Variants in MYO5C observed in about 807,000 individuals in gnomAD.
The protein encoded by MYO5C is unconventional myosin-Vc.
A neutral mutation model predicts 235.7 loss-of-function variants in MYO5C; 194 were observed. That is an observed-to-expected ratio of 0.82 (90% CI 0.73 to 0.93). The LOEUF (loss-of-function observed/expected upper bound fraction) is 0.93, where lower values mean the gene tolerates loss of function less well. Among genes scored for constraint, MYO5C ranks in the 40% least tolerant of loss-of-function variants. MYO5C has a pLI of 0.00. For synonymous variants in MYO5C, 707 were observed against 754.8 expected (o/e 0.94, Z 1.04); for missense variants, 2,038 against 2,127.2 (o/e 0.96, Z 0.82).
At chr15:52,233,723 G>C (rs1038568210) in intron 23 of MYO5C, among the ~76,000 whole-genome samples, 1 of 152,212 alleles carries the variant, frequency 6.6e-6, no homozygotes, top group African/African-American at 2.4e-5. Flanking sequence ...CCATGGCTAT[G>C]ACAACCCCAC....
chr15:52,292,777 C>T (rs2037419355), intron 1 of MYO5C, among the ~76,000 whole-genome samples: 1 of 152,234 alleles, frequency 6.6e-6, no homozygotes, highest in African/African-American at 2.4e-5. Context: ...GCTGCAGAGG[C>T]TTTCTCAGAA....
intron 25 of MYO5C, among the ~76,000 whole-genome samples, chr15:52,228,100 A>G (rs925837238): frequency 1.3e-5 from 2 of 152,222 alleles, no homozygotes; most frequent in South Asian, 4.1e-4. Flanking sequence ...ATTTTATTAA[A>G]TTGCCCAGGA....
chr15:52,200,891 T>C (rs2035172465), intron 38 of MYO5C, among the ~76,000 whole-genome samples: 1 of 151,788 alleles, frequency 6.6e-6, no homozygotes, highest in African/African-American at 2.4e-5. Context: ...AATACAATAA[T>C]AGAAATAAAA....
intron 13 of MYO5C, among the ~76,000 whole-genome samples, chr15:52,250,326 T>G (rs1372696947): frequency 1.4e-5 from 2 of 144,932 alleles, no homozygotes; most frequent in African/African-American, 2.5e-5. Flanking sequence ...CAATGCAACC[T>G]CCGCCTCCCA....
intron 2 of MYO5C, among the ~76,000 whole-genome samples, chr15:52,281,426 T>C (rs2037160078): frequency 6.6e-6 from 1 of 152,256 alleles, no homozygotes; most frequent in African/African-American, 2.4e-5. Flanking sequence ...AAACTGCCAC[T>C]GCAGCTGCTG....
At chr15:52,231,663 C>T (rs2035953605) in intron 24 of MYO5C, among the ~76,000 whole-genome samples, 1 of 152,182 alleles carries the variant, frequency 6.6e-6, no homozygotes, top group African/African-American at 2.4e-5. Flanking sequence ...CGCAGGCTGT[C>T]CTGCTCACTG....
chr15:52,216,158 G>A (rs991077717), intron 32 of MYO5C, among the ~76,000 whole-genome samples: 5 of 152,146 alleles, frequency 3.3e-5, no homozygotes, highest in Non-Finnish European at 7.3e-5. Context: ...GTATGACAGT[G>A]CCCATTTCAA....
Position 52,282,822 on chromosome 15 carries a change from A to G in MYO5C, c.98T>C (p.Val33Ala). 1.9e-6 allele frequency: 3 copies of G among 1,613,866 alleles called. No homozygotes were observed. The highest frequency in any genetic ancestry group is 2.5e-6 in the Non-Finnish European group (3 of 1,179,768). ...KSAEIAKDYR[V>A]GDKVLRLLLE... The stretch of plus-strand genomic sequence containing the variant: ...CAGGAGTCGCAGGACCTTGTCACCA[A>G]CTCTGTAGTCCTTGGCTATTTCAGC... Residue 33 changes from valine (V) to alanine (A), a missense_variant, in exon 2 of 41, where the codon GTT (valine) becomes GCT (alanine). Transcript: ENST00000261839.
At chr15:52,219,706 C>T in intron 31 of MYO5C, 53 bp downstream of exon 31, 1 of 1,416,028 alleles carries the variant, frequency 7.1e-7, no homozygotes, top group Non-Finnish European at 9.9e-7. Flanking sequence ...TCTACAGTTT[C>T]AGAAAAGCAT....
intron 8 of MYO5C, among the ~76,000 whole-genome samples, chr15:52,266,764 G>A (rs999800419): frequency 6.6e-6 from 1 of 152,158 alleles, no homozygotes; most frequent in South Asian, 2.1e-4. Flanking sequence ...ATCTAGCTTC[G>A]CCCTAGCATG....
intron 38 of MYO5C, among the ~76,000 whole-genome samples, chr15:52,203,924 T>C (rs920106298): frequency 6.6e-6 from 1 of 152,236 alleles, no homozygotes; most frequent in African/African-American, 2.4e-5. Flanking sequence ...CTTAGCATAA[T>C]GATAGATACT....
chr15:52,278,032 G>A (rs2037089526), intron 4 of MYO5C: 1 of 447,982 alleles, frequency 2.2e-6, no homozygotes, highest in African/African-American at 2.0e-5. Flanking sequence ...TCCCATCTGT[G>A]AAATGAGGGC....
rs867143532 is a variant in MYO5C at position 52,233,297 on chromosome 15, A to T, written c.2963-612T>A. ...CCGTCTCAAAAAAAAAAAAAAAAAA[A>T]TTAAAAAAAAAAAAAAATAAATAAA... On this transcript the variant is annotated intron_variant, in intron 23 of 40. Coordinates refer to ENST00000261839, the MANE Select transcript of MYO5C (RefSeq NM_018728.4). 7.3e-3 allele frequency among the ~76,000 whole-genome samples: 88 copies of T among 12,088 alleles called. 31 individuals are homozygous for T. In the South Asian group the frequency reaches 0.083, roughly 11 times the overall value. 7.9% of individuals were successfully genotyped at this position (12,088 alleles called of 152,430 possible). A position where few individuals can be genotyped will look rare whatever the true frequency, so the allele number is the denominator to read the frequency against.
chr15:52,281,739 G>A (rs2037166169), intron 2 of MYO5C, among the ~76,000 whole-genome samples: 1 of 152,166 alleles, frequency 6.6e-6, no homozygotes, highest in South Asian at 2.1e-4. Flanking sequence ...GATTCTAGAG[G>A]GTGTGTCTTT....
At chr15:52,212,719 G>T (rs1364848997) in intron 34 of MYO5C, among the ~76,000 whole-genome samples, 1 of 152,198 alleles carries the variant, frequency 6.6e-6, no homozygotes, top group Non-Finnish European at 1.5e-5. Flanking sequence ...GGCATGGCTG[G>T]GAAGCCCCAT....
rs1566998094 is a variant in MYO5C at position 52,291,744 on chromosome 15, T to TTTGTTTTTG, written c.27+3865_27+3866insCAAAAACAA. On this transcript the variant is annotated intron_variant, in intron 1 of 40. Coordinates refer to ENST00000261839, the MANE Select transcript of MYO5C (RefSeq NM_018728.4). ...TGCATATTTTATGTTTTTTTTTTTT[T>TTTGTTTTTG]TTTTTTTTTTTTGAGACAGGGTCTC... Among the ~76,000 whole-genome samples the TTTGTTTTTG allele has an allele frequency of 1.3e-4, 13 of 96,732 alleles. 1 individual carries two copies. Among genetic ancestry groups the TTTGTTTTTG allele is most frequent in the Middle Eastern group, 0.011 (2 of 190 alleles). The allele number at this position is 96,732 out of a possible 152,430, so 63.5% of individuals were successfully genotyped here. A position where few individuals can be genotyped will look rare whatever the true frequency, so the allele number is the denominator to read the frequency against.
intron 21 of MYO5C, among the ~76,000 whole-genome samples, 190 bp from the exon 22 acceptor site, chr15:52,237,836 A>T (rs184854999): frequency 6.6e-6 from 1 of 152,266 alleles, no homozygotes; most frequent in Non-Finnish European, 1.5e-5. Flanking sequence ...TGCTGGGTAC[A>T]CATCTTCCCA....
At chr15:52,253,193 A>G in intron 12 of MYO5C, 124 bp downstream of exon 12, 3 of 990,004 alleles carry the variant, frequency 3.0e-6, no homozygotes, top group Middle Eastern at 3.3e-4. Context: ...CCCAGCATTA[A>G]TATCCATCCA....
chr15:52,260,168 G>A (rs1158338786), intron 10 of MYO5C, among the ~76,000 whole-genome samples: 1 of 152,232 alleles, frequency 6.6e-6, no homozygotes, highest in Non-Finnish European at 1.5e-5. Context: ...GCTGAGCCCG[G>A]GGTTTAGAAA....
Sources: gnomAD v4.1 joint callset for allele counts (sites outside exome capture counted in the v4.1 genomes callset) on GRCh38, gnomAD v4.1.1 for gene constraint, MANE v1.5 for transcripts, NCBI Gene and HGNC (gene_info 2026-07-23, HGNC 2026-07-21) for gene names.